The following HHLA1 variants were observed in gnomAD, a reference collection of about 807,000 sequenced individuals.
HHLA1 encodes the protein HHLA1 neighbor of OC90.
HHLA1 carries 72 observed loss-of-function variants against 69.9 expected under a neutral mutation model. That is an observed-to-expected ratio of 1.03 (90% confidence interval 0.85 to 1.25). The LOEUF is 1.25. Among genes scored for constraint, HHLA1 ranks in the 50% most tolerant of loss-of-function variants. HHLA1 has a pLI of 0.00. For synonymous variants in HHLA1, 252 were observed against 233.2 expected (o/e 1.08, Z -0.73); for missense variants, 685 against 642.2 (o/e 1.07, Z -0.72).
chr8:132,087,938 T>C (rs1823890418), intron 8 of HHLA1, 37 bp from the exon 9 acceptor site: 6 of 1,466,332 alleles, frequency 4.1e-6, no homozygotes, highest in African/African-American at 2.8e-5. Flanking sequence ...GACTTAGCCA[T>C]GGGTCTGAAG....
rs769636200 is a variant in HHLA1, at chr8:132,076,515, C to T, written c.1200G>A (p.Pro400=). The change falls in exon 13 of 17, where the codon CCG becomes CCA. Residue 400 remains proline (P), a synonymous_variant. Coordinates refer to ENST00000414222, the MANE Select transcript of HHLA1 (RefSeq NM_001145095.3). ...LGAFTHGTQT[P]SPTKATAPRY... ...TGGGGGCTGTTGCCTTGGTTGGACTCGGAGTCTGTGTGCCATGGGTGAATG... is the reference window on the plus strand; with the variant it reads ...TGGGGGCTGTTGCCTTGGTTGGACTTGGAGTCTGTGTGCCATGGGTGAATG... 3.4e-5 allele frequency: 51 copies of T among 1,502,780 alleles called. No homozygotes were observed. Among genetic ancestry groups the T allele is most frequent in the Admixed American group, 2.1e-4 (10 of 47,914 alleles). The allele number at this position is 1,502,780 out of a possible 1,614,324, so 93.1% of individuals were successfully genotyped here. A position where few individuals can be genotyped will look rare whatever the true frequency, so the allele number is the denominator to read the frequency against.
At chr8:132,064,625 T>A (rs1026188172) in intron 16 of HHLA1, among the ~76,000 whole-genome samples, 2 of 128,466 alleles carry the variant, frequency 1.6e-5, no homozygotes, top group Non-Finnish European at 3.2e-5. Flanking sequence ...ATAAGGACCC[T>A]GTGTTTGGGA....
In HHLA1 at chr8:132,063,890, G is replaced by A. The variant is rs965658245; in HGVS notation, c.*105C>T. 2 of 433,104 alleles carry A rather than the reference G, an allele frequency of 4.6e-6. No homozygotes were observed. Among genetic ancestry groups the A allele is most frequent in the African/African-American group, 4.1e-5 (2 of 48,498 alleles). The allele number at this position is 433,104 out of a possible 1,614,324, so 26.8% of individuals were successfully genotyped here. On this transcript the variant is annotated 3_prime_UTR_variant, in exon 17 of 17. Coordinates refer to ENST00000414222, the MANE Select transcript of HHLA1 (RefSeq NM_001145095.3). ...CTTTAAATTAACTGATGATCTAGCT[G>A]GAGCCTGGGTGAATTCTTCAAATGT...
chr8:132,096,081 A>G (rs188572592), intron 5 of HHLA1, among the ~76,000 whole-genome samples: 5 of 152,328 alleles, frequency 3.3e-5, no homozygotes, highest in East Asian at 1.9e-4. Flanking sequence ...GTAACAAATT[A>G]TCACAAACTT....
At position 132,076,547 on chromosome 8, in the gene HHLA1, G is replaced by A. The variant is rs1586725876; in HGVS notation, c.1172-4C>T. ...TGTGTGCCATGGGTGAATGCTCCTG[G>A]GAGGAGATGAGAGAGAGGTGAGCCT... is the stretch of plus-strand genomic sequence containing the variant. On this transcript the variant is annotated splice_polypyrimidine_tract_variant and splice_region_variant and intron_variant, in intron 12 of 16. Transcript: ENST00000414222. 2 of 1,518,450 alleles carry A rather than the reference G, an allele frequency of 1.3e-6. No homozygotes were observed. Among genetic ancestry groups the A allele is most frequent in the Non-Finnish European group, 1.8e-6 (2 of 1,133,028 alleles). 94.1% of individuals were successfully genotyped at this position (1,518,450 alleles called of 1,614,324 possible). A position where few individuals can be genotyped will look rare whatever the true frequency, so the allele number is the denominator to read the frequency against.
At position 132,069,468 on chromosome 8, in the gene HHLA1, G is replaced by A. The variant is rs571379214; in HGVS notation, c.1469+1872C>T. On this transcript the variant is annotated intron_variant, in intron 15 of 16. Transcript: ENST00000414222. ...TATTTTTGGCCTATATTCAGTGTAT[G>A]AGTTTATGGAAAAATGTACTATTCA... Among the ~76,000 whole-genome samples, 5 of 152,204 alleles carry A rather than the reference G, an allele frequency of 3.3e-5. No individual in the cohort carries two copies. The South Asian group carries it at 8.3e-4, about 25-fold the overall frequency.
intron 14 of HHLA1, among the ~76,000 whole-genome samples, chr8:132,075,577 G>A (rs1191281025): frequency 6.6e-6 from 1 of 152,186 alleles, no homozygotes; most frequent in Admixed American, 6.5e-5. Context: ...CAGAACAACA[G>A]GACATCATAC....
chr8:132,079,347 C>T (rs1376798351), intron 11 of HHLA1, among the ~76,000 whole-genome samples: 1 of 152,234 alleles, frequency 6.6e-6, no homozygotes, highest in Non-Finnish European at 1.5e-5. Context: ...AAATGCTTTG[C>T]TGAAATATAA....
At chr8:132,068,200 G>A (rs1301992387) in intron 15 of HHLA1, among the ~76,000 whole-genome samples, 1 of 152,204 alleles carries the variant, frequency 6.6e-6, no homozygotes, top group African/African-American at 2.4e-5. Context: ...CAGGATTTAA[G>A]TTGCAGCAAC....
intron 7 of HHLA1, among the ~76,000 whole-genome samples, chr8:132,094,693 T>C (rs917053647): frequency 5.3e-5 from 8 of 152,148 alleles, no homozygotes; most frequent in African/African-American, 1.9e-4. Flanking sequence ...ATGGTTCCCA[T>C]GGTCAGGCTG....
intron 5 of HHLA1, among the ~76,000 whole-genome samples, chr8:132,098,428 T>C (rs1824057205): frequency 6.6e-6 from 1 of 152,194 alleles, no homozygotes; most frequent in African/African-American, 2.4e-5. Flanking sequence ...CTACGTCATT[T>C]TGAGTAAGGT....
rs374470144 is a variant in HHLA1, at chr8:132,082,940, C to T, written c.677-2974G>A. Among the ~76,000 whole-genome samples, 19 of 151,814 alleles carry T rather than the reference C, an allele frequency of 1.3e-4. No homozygotes were observed. The East Asian group carries it at 3.5e-3, about 28-fold the overall frequency. ...CCATGCTGTAGCAGGTGAGTGATAACAGGCTTTAATCTTTTTAAAGCGTGC... is the reference window on the plus strand; with the variant it reads ...CCATGCTGTAGCAGGTGAGTGATAATAGGCTTTAATCTTTTTAAAGCGTGC... On this transcript the variant is annotated intron_variant, in intron 10 of 16. Transcript: ENST00000414222.
chr8:132,078,064 G>A, intron 11 of HHLA1, 93 bp from the exon 12 acceptor site: 1 of 1,367,866 alleles, frequency 7.3e-7, no homozygotes, highest in Non-Finnish European at 1.0e-6. Flanking sequence ...CGTTATCAAA[G>A]GGCAAATGCA....
rs113663374 is a variant in HHLA1, at chr8:132,079,883, A to T, written c.760T>A (p.Trp254Arg). 1.3e-6 allele frequency: 2 copies of T among 1,552,042 alleles called. No individual in the cohort carries two copies. Among genetic ancestry groups the T allele is most frequent in the Non-Finnish European group, 1.7e-6 (2 of 1,147,084 alleles). ...GATGCCCAGGGTGTGCTCTGGGTCC[A>T]GTGTCCGGGGCTTGTACTTGGTAGT... Reference protein sequence around the residue: ...KTLPSTSPGHWTQSTPWASAL... With the variant: ...KTLPSTSPGHRTQSTPWASAL... Residue 254 changes from tryptophan to arginine, a missense_variant, in exon 11 of 17, where the codon TGG (tryptophan) becomes AGG (arginine). Trp to Arg is a moderately radical substitution (Grantham distance 101). Transcript: ENST00000414222.
intron 15 of HHLA1, among the ~76,000 whole-genome samples, chr8:132,070,686 C>T (rs112301019): frequency 2.0e-5 from 3 of 151,806 alleles, no homozygotes; most frequent in Admixed American, 2.0e-4. Flanking sequence ...CTCATCCCAA[C>T]TCAACTCAAC....
At chr8:132,071,013 CATCTCAACTCAACTT>C (rs1823530774) in intron 15 of HHLA1, among the ~76,000 whole-genome samples, 1 of 152,090 alleles carries the variant, frequency 6.6e-6, no homozygotes. Flanking sequence ...CAACTCAACT[CATCTCAACTCAACTT>C]ATCTCAACTC....
intron 3 of HHLA1, among the ~76,000 whole-genome samples, chr8:132,102,131 A>G (rs190871995): frequency 1.3e-5 from 2 of 152,306 alleles, no homozygotes; most frequent in East Asian, 3.9e-4. Flanking sequence ...TTCACTTAGC[A>G]TACTGTCCTC....
chr8:132,105,127 C>T (rs897172275), intron 2 of HHLA1, 60 bp downstream of exon 2: 53 of 1,283,654 alleles, frequency 4.1e-5, no homozygotes, highest in Non-Finnish European at 5.9e-5. Context: ...CTCTAAAGCA[C>T]AGTGAATACT....
chr8:132,105,124 G>T (rs1038360709), intron 2 of HHLA1, 63 bp downstream of exon 2: 3 of 1,264,220 alleles, frequency 2.4e-6, no homozygotes, highest in Non-Finnish European at 3.4e-6. Context: ...GTTCTCTAAA[G>T]CACAGTGAAT....
Sources: gnomAD v4.1 joint callset for allele counts (sites outside exome capture counted in the v4.1 genomes callset) on GRCh38, gnomAD v4.1.1 for gene constraint, MANE v1.5 for transcripts, NCBI Gene and HGNC (gene_info 2026-07-23, HGNC 2026-07-21) for gene names.